Variants in PHAX observed in about 807,000 individuals in gnomAD.
PHAX encodes the protein phosphorylated adapter RNA export protein.
A neutral mutation model predicts 41.6 loss-of-function variants in PHAX; 31 were observed. The observed-to-expected ratio is 0.75, with a 90% CI of 0.56 to 1.01. The LOEUF is 1.01. PHAX is among the 50% of genes least tolerant of loss of function. PHAX has a pLI of 0.00. For missense variants in PHAX, 453 were observed against 472.9 expected (o/e 0.96, Z 0.39); for synonymous variants, 175 against 164.9 (o/e 1.06, Z -0.47).
chr5:126,613,310 C>T (rs1418349715), intron 3 of PHAX, among the ~76,000 whole-genome samples: 2 of 152,126 alleles, frequency 1.3e-5, no homozygotes, highest in African/African-American at 4.8e-5. Context: ...GATTGTGCCA[C>T]TGCACTCCAT....
chr5:126,611,385 C>T (rs774100429), intron 3 of PHAX, among the ~76,000 whole-genome samples: 3 of 152,118 alleles, frequency 2.0e-5, no homozygotes, highest in South Asian at 4.2e-4. Flanking sequence ...TACATTATTT[C>T]CTTGAATTCA....
intron 4 of PHAX, among the ~76,000 whole-genome samples, chr5:126,622,425 C>T (rs1380790254): frequency 1.4e-5 from 2 of 147,260 alleles, no homozygotes; most frequent in East Asian, 4.0e-4. Flanking sequence ...AGCCAGCAAA[C>T]CCAGCCTAAT....
chr5:126,605,440 T>C (rs1298378669), intron 2 of PHAX, among the ~76,000 whole-genome samples: 1 of 152,184 alleles, frequency 6.6e-6, no homozygotes, highest in Admixed American at 6.5e-5. Context: ...TCACCCAGGC[T>C]GGAGTGCAGT....
intron 4 of PHAX, among the ~76,000 whole-genome samples, 162 bp from the exon 5 acceptor site, chr5:126,624,413 A>G (rs557832722): frequency 4.6e-5 from 7 of 152,330 alleles, no homozygotes; most frequent in South Asian, 2.1e-4. Context: ...CAATCTTGCA[A>G]TGAGTACTTA....
chr5:126,623,629 A>G (rs553563475), intron 4 of PHAX, among the ~76,000 whole-genome samples: 4 of 152,198 alleles, frequency 2.6e-5, no homozygotes, highest in African/African-American at 7.2e-5. Context: ...CAAAACACTC[A>G]TATTCTGAAG....
At chr5:126,610,357 T>G (rs1168912201) in intron 3 of PHAX, among the ~76,000 whole-genome samples, 2 of 152,182 alleles carry the variant, frequency 1.3e-5, no homozygotes, top group African/African-American at 2.4e-5. Context: ...TTGTTACTGA[T>G]AAGTCTGAAT....
chr5:126,622,696 A>G (rs574415126), intron 4 of PHAX, among the ~76,000 whole-genome samples: 12 of 152,286 alleles, frequency 7.9e-5, no homozygotes, highest in Admixed American at 3.9e-4. Context: ...ATTCTTAGCA[A>G]GATGCTTGGA....
rs967601656 is a variant in PHAX, at chr5:126,603,738, A to G, written c.265A>G (p.Asn89Asp). The change falls in exon 2 of 5, where the codon AAC becomes GAC. Residue 89 changes from asparagine (N) to aspartate (D), a missense_variant. Physicochemically the swap from Asn to Asp is conservative, Grantham distance 23 (BLOSUM62 1). Coordinates refer to ENST00000297540, the MANE Select transcript of PHAX (RefSeq NM_032177.4). ...GAAACGCAAACGACAGAAATGTTTT[A>G]ACCCTCCTCCCAAACCAGAGCCTTT... The part of the protein sequence containing the change: ...LWKRKRQKCF[N>D]PPPKPEPFQF... 1.6e-5 allele frequency: 26 copies of G among 1,614,120 alleles called. No individual in the cohort carries two copies. Among genetic ancestry groups the G allele is most frequent in the Non-Finnish European group, 2.2e-5 (26 of 1,180,020 alleles).
chr5:126,624,344 A>T (rs529096931), intron 4 of PHAX, among the ~76,000 whole-genome samples: 214 of 152,210 alleles, frequency 1.4e-3, no homozygotes, highest in African/African-American at 4.9e-3. Flanking sequence ...GAGATGATAC[A>T]TTAAGGTAGA....
At chr5:126,606,818 AT>A (rs67434680) in intron 2 of PHAX, among the ~76,000 whole-genome samples, 40,074 of 149,458 alleles carry the variant, frequency 0.27, 6,615 homozygotes, top group African/African-American at 0.46. Context: ...CGCCCAGATA[AT>A]TTTTTTTTTG....
chr5:126,621,967 T>C (rs949505280), intron 4 of PHAX, among the ~76,000 whole-genome samples: 5 of 152,216 alleles, frequency 3.3e-5, no homozygotes, highest in Non-Finnish European at 5.9e-5. Flanking sequence ...GTTTATTGTT[T>C]ATTTTTTTAA....
chr5:126,615,766 C>A (rs1215395362), intron 3 of PHAX, among the ~76,000 whole-genome samples: 1 of 152,130 alleles, frequency 6.6e-6, no homozygotes, highest in African/African-American at 2.4e-5. Context: ...ATATACTGAT[C>A]TGTTGACAAA....
In PHAX at chr5:126,622,102, C is replaced by T. The variant is rs924352562; in HGVS notation, c.916-2473C>T. Reference sequence around the variant, plus strand: ...CCAAGTAGCTGGGATTACAGGTGCCCGCCACCACGCCTGGCTAATTTTTGT... The same window carrying T: ...CCAAGTAGCTGGGATTACAGGTGCCTGCCACCACGCCTGGCTAATTTTTGT... On this transcript the variant is annotated intron_variant, in intron 4 of 4. Coordinates refer to ENST00000297540, the MANE Select transcript of PHAX (RefSeq NM_032177.4). Among the ~76,000 whole-genome samples, 3 of 151,810 alleles carry T rather than the reference C, an allele frequency of 2.0e-5. No individual in the cohort carries two copies. In the East Asian group the frequency reaches 5.8e-4, roughly 29 times the overall value.
At chr5:126,606,468 C>T (rs375232105) in intron 2 of PHAX, among the ~76,000 whole-genome samples, 2 of 152,114 alleles carry the variant, frequency 1.3e-5, no homozygotes, top group African/African-American at 4.8e-5. Flanking sequence ...AGGCGTAAGC[C>T]ACTGTGCCCA....
At chr5:126,618,328 A>G (rs1057031592) in intron 4 of PHAX, among the ~76,000 whole-genome samples, 15 of 152,102 alleles carry the variant, frequency 9.9e-5, no homozygotes, top group Admixed American at 2.6e-4. Flanking sequence ...AGGGCAGGCA[A>G]TGAGTCTGGA....
At position 126,617,318 on chromosome 5, in the gene PHAX, C is replaced by A; in HGVS notation, c.900C>A (p.Ser300Arg). ...TCTTGAAAAACACTCCTAGTATCAGCGAGGAACAAATTAAGGTAATGATAA... is the reference window on the plus strand; with the variant it reads ...TCTTGAAAAACACTCCTAGTATCAGAGAGGAACAAATTAAGGTAATGATAA... ...LNLLKNTPSISEEQIKDIFYI... is the reference protein window; with the variant it reads ...LNLLKNTPSIREEQIKDIFYI... Residue 300 changes from serine to arginine, a missense_variant, in exon 4 of 5, where the codon AGC becomes AGA. Ser to Arg is a moderately radical substitution (Grantham distance 110). Transcript: ENST00000297540. The A allele has an allele frequency of 1.2e-6, 2 of 1,604,090 alleles. No homozygotes were observed. Among genetic ancestry groups the A allele is most frequent in the Non-Finnish European group, 1.7e-6 (2 of 1,171,838 alleles).
rs1752347779 is a variant in PHAX at position 126,626,264 on chromosome 5, GACT to G, written c.*1421_*1423del. The G allele has an allele frequency of 6.6e-6, 1 of 152,116 alleles. No homozygotes were observed. Among genetic ancestry groups the G allele is most frequent in the Admixed American group, 6.6e-5 (1 of 15,246 alleles). 9.4% of individuals were successfully genotyped at this position (152,116 alleles called of 1,614,324 possible). On this transcript the variant is annotated 3_prime_UTR_variant, in exon 5 of 5. Coordinates refer to ENST00000297540, the MANE Select transcript of PHAX (RefSeq NM_032177.4). ...ACATTCCCAGTGGCAGCCTGCCTAA[GACT>G]GTCTTACCTTATGTTAAGGAAGTCA...
chr5:126,604,202 A>C lies in PHAX; in HGVS notation c.710+19A>C. On this transcript the variant is annotated intron_variant, in intron 2 of 4. Coordinates refer to ENST00000297540, the MANE Select transcript of PHAX (RefSeq NM_032177.4). ...CATTCAGGTGAGCATTTGAATTACA[A>C]ATAAGTACTTGACCAGATGGCTTCT... The C allele has an allele frequency of 6.6e-7, 1 of 1,515,098 alleles. No homozygotes were observed. Among genetic ancestry groups the C allele is most frequent in the Non-Finnish European group, 8.8e-7 (1 of 1,133,306 alleles). The allele number at this position is 1,515,098 out of a possible 1,614,324, so 93.9% of individuals were successfully genotyped here.
At chr5:126,605,121 C>G (rs962366814) in intron 2 of PHAX, among the ~76,000 whole-genome samples, 5 of 151,706 alleles carry the variant, frequency 3.3e-5, no homozygotes, top group Admixed American at 3.3e-4. Flanking sequence ...CATTGGCCTC[C>G]CAAAGTGCTG....
Sources: allele counts gnomAD v4.1 joint callset (sites outside exome capture counted in the v4.1 genomes callset), GRCh38; gene constraint gnomAD v4.1.1; transcripts MANE v1.5; gene names NCBI Gene and HGNC (gene_info 2026-07-23, HGNC 2026-07-21).